The following VWC2L variants were observed in gnomAD, a reference collection of about 807,000 sequenced individuals.
VWC2L encodes von Willebrand factor C domain containing 2 like, also known as von Willebrand factor C domain-containing protein 2-like.
In VWC2L, 10 loss-of-function variants were observed where a neutral mutation model predicts 21.6. The observed-to-expected ratio is 0.46, with a 90% CI of 0.29 to 0.78. The LOEUF (loss-of-function observed/expected upper bound fraction) is 0.78, where lower values mean the gene tolerates loss of function less well. VWC2L is among the 30% of genes least tolerant of loss of function. VWC2L has a pLI of 0.10. For synonymous variants in VWC2L, 96 were observed against 94.3 expected (o/e 1.02, Z -0.10); for missense variants, 209 against 277.1 (o/e 0.75, Z 1.74).
intron 3 of VWC2L, among the ~76,000 whole-genome samples, chr2:214,539,809 T>C (rs966455966): frequency 3.3e-5 from 5 of 152,136 alleles, no homozygotes; most frequent in African/African-American, 1.2e-4. Context: ...TACTGGAAAA[T>C]ACATTGTATT....
At chr2:214,439,436 G>A (rs896891758) in intron 3 of VWC2L, among the ~76,000 whole-genome samples, 4 of 151,726 alleles carry the variant, frequency 2.6e-5, no homozygotes, top group African/African-American at 9.7e-5. Flanking sequence ...TTTTTAAAAA[G>A]CAACAATAAG....
At chr2:214,444,628 C>T (rs920773958) in intron 3 of VWC2L, among the ~76,000 whole-genome samples, 2 of 151,806 alleles carry the variant, frequency 1.3e-5, no homozygotes, top group Admixed American at 6.6e-5. Flanking sequence ...GAAAATTCAA[C>T]CTACCAGCTG....
At chr2:214,502,102 A>T (rs1688901263) in intron 3 of VWC2L, among the ~76,000 whole-genome samples, 2 of 152,232 alleles carry the variant, frequency 1.3e-5, no homozygotes, top group South Asian at 4.1e-4. Flanking sequence ...TAACCAAAAC[A>T]ATTAAACACT....
At chr2:214,421,665 C>T (rs1027296910) in intron 2 of VWC2L, among the ~76,000 whole-genome samples, 2 of 151,954 alleles carry the variant, frequency 1.3e-5, no homozygotes, top group African/African-American at 4.8e-5. Context: ...AGTTTACAGA[C>T]ATGATTGCCC....
intron 3 of VWC2L, among the ~76,000 whole-genome samples, chr2:214,457,803 C>G (rs1363567515): frequency 6.6e-6 from 1 of 152,068 alleles, no homozygotes; most frequent in Non-Finnish European, 1.5e-5. Context: ...CCCTATATCT[C>G]TGGAAGAAAT....
At chr2:214,481,918 T>C (rs1390164556) in intron 3 of VWC2L, among the ~76,000 whole-genome samples, 1 of 152,182 alleles carries the variant, frequency 6.6e-6, no homozygotes, top group Non-Finnish European at 1.5e-5. Flanking sequence ...ATTTTGTAAA[T>C]GTTCTTAGTT....
rs59919240 is a variant in VWC2L, at chr2:214,451,308, TGG to T, written c.520+14561_520+14562del. ...CTAAGGAAGGATAAGTGGGTCGGTG[TGG>T]GGGGGGGGGGCAGTAAAAGCTGAAA... On this transcript the variant is annotated intron_variant, in intron 3 of 3. Coordinates refer to ENST00000312504, the MANE Select transcript of VWC2L (RefSeq NM_001080500.4). Among the ~76,000 whole-genome samples, 33 of 112,106 alleles carry T rather than the reference TGG, an allele frequency of 2.9e-4. 1 individual carries two copies. Among genetic ancestry groups the T allele is most frequent in the African/African-American group, 8.3e-4 (28 of 33,666 alleles). The allele number at this position is 112,106 out of a possible 152,430, so 73.5% of individuals were successfully genotyped here.
In VWC2L at chr2:214,572,018, G is replaced by T. The variant is rs533579026; in HGVS notation, c.521-3654G>T. Among the ~76,000 whole-genome samples, 4 of 152,252 alleles carry T rather than the reference G, an allele frequency of 2.6e-5. No individual in the cohort carries two copies. In the South Asian group the frequency reaches 8.3e-4, roughly 32 times the overall value. On this transcript the variant is annotated intron_variant, in intron 3 of 3. Transcript: ENST00000312504. ...GCTGGTCTCAAACTCCTGGGCTCAA[G>T]TGATCCTCCTGCCTCAGCCTCCTAA...
At chr2:214,471,225 A>C (rs1048754562) in intron 3 of VWC2L, among the ~76,000 whole-genome samples, 1 of 152,168 alleles carries the variant, frequency 6.6e-6, no homozygotes. Flanking sequence ...AGCCCAACTC[A>C]TGCTTCCTGC....
At chr2:214,565,852 T>G (rs1177374863) in intron 3 of VWC2L, among the ~76,000 whole-genome samples, 1 of 152,104 alleles carries the variant, frequency 6.6e-6, no homozygotes, top group East Asian at 1.9e-4. Context: ...TCTTATCACT[T>G]TATTATTATT....
intron 3 of VWC2L, among the ~76,000 whole-genome samples, chr2:214,454,772 T>A (rs1446578351): frequency 6.6e-6 from 1 of 151,644 alleles, no homozygotes; most frequent in Non-Finnish European, 1.5e-5. Flanking sequence ...CCGGCTAATT[T>A]TTTATATTTT....
At chr2:214,543,662 A>T (rs1689662286) in intron 3 of VWC2L, among the ~76,000 whole-genome samples, 1 of 152,136 alleles carries the variant, frequency 6.6e-6, no homozygotes, top group East Asian at 1.9e-4. Context: ...AAGAAAAAAA[A>T]AAAAGACTAA....
intron 3 of VWC2L, among the ~76,000 whole-genome samples, chr2:214,476,526 G>A (rs1220750787): frequency 6.6e-6 from 1 of 152,140 alleles, no homozygotes; most frequent in African/African-American, 2.4e-5. Flanking sequence ...ATACTCTGAT[G>A]TACCACAGGC....
intron 3 of VWC2L, among the ~76,000 whole-genome samples, chr2:214,465,832 T>C (rs1703208272): frequency 6.6e-6 from 1 of 152,204 alleles, no homozygotes; most frequent in Admixed American, 6.5e-5. Context: ...TTAGGGTTGT[T>C]CTAAATGCTT....
At chr2:214,527,286 C>T (rs182175607) in intron 3 of VWC2L, among the ~76,000 whole-genome samples, 14 of 152,156 alleles carry the variant, frequency 9.2e-5, no homozygotes, top group African/African-American at 3.4e-4. Context: ...AAAACACTAT[C>T]AGTTACTATG....
Position 214,532,076 on chromosome 2 carries a change from A to G in VWC2L, c.521-43596A>G, listed in dbSNP as rs1574621143. On this transcript the variant is annotated intron_variant, in intron 3 of 3. Coordinates refer to ENST00000312504, the MANE Select transcript of VWC2L (RefSeq NM_001080500.4). ...ATTTATAATGATTATAAATTTTGAG[A>G]TCATGAAATGCAAAGGTAACCATAG... Among the ~76,000 whole-genome samples the G allele has an allele frequency of 2.0e-5, 3 of 152,160 alleles. No homozygotes were observed. In the East Asian group the frequency reaches 5.8e-4, roughly 29 times the overall value.
intron 3 of VWC2L, among the ~76,000 whole-genome samples, chr2:214,496,826 C>T (rs989322750): frequency 5.3e-5 from 8 of 152,184 alleles, no homozygotes; most frequent in African/African-American, 1.9e-4. Context: ...TCAATAAAAA[C>T]TTGGTGGTGA....
At chr2:214,532,228 C>G (rs866856118) in intron 3 of VWC2L, among the ~76,000 whole-genome samples, 5 of 152,064 alleles carry the variant, frequency 3.3e-5, no homozygotes, top group South Asian at 2.1e-4. Flanking sequence ...CAATAAATAA[C>G]TAGAATTCCT....
At chr2:214,520,509 C>A (rs1440072438) in intron 3 of VWC2L, among the ~76,000 whole-genome samples, 1 of 152,004 alleles carries the variant, frequency 6.6e-6, no homozygotes, top group Non-Finnish European at 1.5e-5. Context: ...CACTTATTTC[C>A]CGAGACTGGC....
Sources: allele counts gnomAD v4.1 joint callset (sites outside exome capture counted in the v4.1 genomes callset), GRCh38; gene constraint gnomAD v4.1.1; transcripts MANE v1.5; gene names NCBI Gene and HGNC (gene_info 2026-07-23, HGNC 2026-07-21).